The following SLC10A7 variants were observed in gnomAD, a reference collection of about 807,000 sequenced individuals.
SLC10A7 encodes sodium/bile acid cotransporter 7.
A neutral mutation model predicts 43.2 loss-of-function variants in SLC10A7; 29 were observed. The ratio of observed to expected loss-of-function variants is 0.67; its 90% CI spans 0.50 to 0.92. The LOEUF is 0.92. SLC10A7 is among the 40% of genes least tolerant of loss of function. The pLI is 0.00. For missense variants in SLC10A7, 295 were observed against 403.2 expected (o/e 0.73, Z 2.30); for synonymous variants, 152 against 144.8 (o/e 1.05, Z -0.35).
intron 5 of SLC10A7, among the ~76,000 whole-genome samples, chr4:146,406,704 C>A (rs753826948): frequency 5.3e-5 from 8 of 152,176 alleles, no homozygotes; most frequent in Non-Finnish European, 1.2e-4. Context: ...TGTGCGTGGC[C>A]AGGCGCAGTG....
At chr4:146,373,324 A>C (rs1309188384) in intron 5 of SLC10A7, among the ~76,000 whole-genome samples, 2 of 152,044 alleles carry the variant, frequency 1.3e-5, no homozygotes. Context: ...AATCAAAAAA[A>C]TTAGCCAGGC....
At chr4:146,486,849 GCTTGGCC>G (rs1734962882) in intron 4 of SLC10A7, among the ~76,000 whole-genome samples, 1 of 152,190 alleles carries the variant, frequency 6.6e-6, no homozygotes, top group Non-Finnish European at 1.5e-5. Flanking sequence ...GGACACACAG[GCTTGGCC>G]TGTGCACCTG....
At chr4:146,504,741 T>G (rs934909842) in intron 3 of SLC10A7, among the ~76,000 whole-genome samples, 4 of 152,236 alleles carry the variant, frequency 2.6e-5, no homozygotes, top group African/African-American at 9.6e-5. Context: ...TTTTCAAATC[T>G]TCATCTCACA....
At chr4:146,373,692 T>C (rs1356042263) in intron 5 of SLC10A7, among the ~76,000 whole-genome samples, 1 of 152,188 alleles carries the variant, frequency 6.6e-6, no homozygotes, top group Non-Finnish European at 1.5e-5. Flanking sequence ...ATTAGAATCA[T>C]GCAAGGAGAT....
chr4:146,264,007 C>T (rs977444482), intron 10 of SLC10A7, among the ~76,000 whole-genome samples: 1 of 152,232 alleles, frequency 6.6e-6, no homozygotes, highest in Non-Finnish European at 1.5e-5. Flanking sequence ...ACACATGACA[C>T]ATTTGTCTAA....
At chr4:146,447,167 G>A (rs1028566053) in intron 4 of SLC10A7, among the ~76,000 whole-genome samples, 4 of 152,116 alleles carry the variant, frequency 2.6e-5, no homozygotes, top group South Asian at 4.1e-4. Context: ...TATAAAATAT[G>A]TTTAATATAA....
intron 2 of SLC10A7, among the ~76,000 whole-genome samples, chr4:146,512,732 C>A (rs947098910): frequency 6.6e-6 from 1 of 152,176 alleles, no homozygotes; most frequent in Non-Finnish European, 1.5e-5. Context: ...CTACATATAT[C>A]ATTTGACCTA....
At chr4:146,353,418 C>T (rs1256421480) in intron 5 of SLC10A7, among the ~76,000 whole-genome samples, 4 of 142,986 alleles carry the variant, frequency 2.8e-5, no homozygotes, top group African/African-American at 5.3e-5. Context: ...CAAAAAGATT[C>T]CAGGACCAGA....
chr4:146,291,415 G>A (rs145271208), intron 9 of SLC10A7, among the ~76,000 whole-genome samples: 3,242 of 152,182 alleles, frequency 0.021, 56 homozygotes, highest in South Asian at 0.058. Flanking sequence ...AATCAGCCTA[G>A]TGCTACACCA....
At chr4:146,349,782 T>C (rs1486095425) in intron 5 of SLC10A7, among the ~76,000 whole-genome samples, 2 of 152,066 alleles carry the variant, frequency 1.3e-5, no homozygotes, top group Admixed American at 1.3e-4. Flanking sequence ...GGAACCTAGA[T>C]ATTGGGTTCT....
At chr4:146,393,131 G>T (rs912291864) in intron 5 of SLC10A7, among the ~76,000 whole-genome samples, 1 of 133,114 alleles carries the variant, frequency 7.5e-6, no homozygotes, top group Non-Finnish European at 1.5e-5. Flanking sequence ...GGTAGCGGTT[G>T]CAGTGAGCTG....
intron 10 of SLC10A7, among the ~76,000 whole-genome samples, chr4:146,282,464 A>G (rs1729613063): frequency 6.6e-6 from 1 of 152,180 alleles, no homozygotes; most frequent in Non-Finnish European, 1.5e-5. Flanking sequence ...AGTTTTTGCC[A>G]TAACATGCCC....
intron 2 of SLC10A7, chr4:146,515,088 T>C: frequency 1.4e-6 from 1 of 702,002 alleles, no homozygotes; most frequent in Non-Finnish European, 2.6e-6. Context: ...TGTGGCATTC[T>C]TCCTTCTTCA....
At chr4:146,426,515 C>A (rs867266174) in intron 5 of SLC10A7, among the ~76,000 whole-genome samples, 6 of 152,000 alleles carry the variant, frequency 3.9e-5, no homozygotes, top group African/African-American at 1.4e-4. Context: ...CCCATCTCTA[C>A]AAAAAATAAA....
At chr4:146,264,512 C>T (rs1728433927) in intron 10 of SLC10A7, among the ~76,000 whole-genome samples, 1 of 152,036 alleles carries the variant, frequency 6.6e-6, no homozygotes. Flanking sequence ...TGGGCCTCTG[C>T]TATATGTGAG....
chr4:146,452,769 G>T (rs1409542789), intron 4 of SLC10A7, among the ~76,000 whole-genome samples: 5 of 151,614 alleles, frequency 3.3e-5, no homozygotes, highest in African/African-American at 7.3e-5. Context: ...ATATTAAGAG[G>T]GCACTTTTAA....
chr4:146,373,628 T>C (rs951601607), intron 5 of SLC10A7, among the ~76,000 whole-genome samples: 4 of 152,118 alleles, frequency 2.6e-5, no homozygotes, highest in Non-Finnish European at 4.4e-5. Context: ...GTTTTAATGG[T>C]GAAATGTACA....
intron 6 of SLC10A7, among the ~76,000 whole-genome samples, chr4:146,311,458 C>A (rs1487861114): frequency 4.6e-5 from 7 of 152,140 alleles, no homozygotes; most frequent in African/African-American, 1.7e-4. Flanking sequence ...CCTTTTATCT[C>A]CTATCAGGGA....
intron 10 of SLC10A7, among the ~76,000 whole-genome samples, chr4:146,271,626 A>C (rs566396772): frequency 6.6e-6 from 1 of 152,234 alleles, no homozygotes; most frequent in South Asian, 2.1e-4. Context: ...CATCAATTCA[A>C]AACCCCCAAT....
Sources: allele counts gnomAD v4.1 joint callset (sites outside exome capture counted in the v4.1 genomes callset), GRCh38; gene constraint gnomAD v4.1.1; transcripts MANE v1.5; gene names NCBI Gene and HGNC (gene_info 2026-07-23, HGNC 2026-07-21).